The following PAG1 variants were observed in gnomAD, a reference collection of about 807,000 sequenced individuals.
The protein encoded by PAG1 is phosphoprotein associated with glycosphingolipid-enriched microdomains 1.
A neutral mutation model predicts 31.7 loss-of-function variants in PAG1; 23 were observed. The ratio of observed to expected loss-of-function variants is 0.73; its 90% CI spans 0.52 to 1.03. The LOEUF (loss-of-function observed/expected upper bound fraction) is 1.03, where lower values mean the gene tolerates loss of function less well. Among genes scored for constraint, PAG1 ranks in the 50% least tolerant of loss-of-function variants. The pLI, the probability that PAG1 is intolerant of heterozygous loss-of-function variation, is 0.00. For missense variants in PAG1, 473 were observed against 540.7 expected (o/e 0.87, Z 1.24); for synonymous variants, 214 against 210.3 (o/e 1.02, Z -0.15).
chr8:81,054,272 G>A (rs182351372), intron 2 of PAG1, among the ~76,000 whole-genome samples: 110 of 152,178 alleles, frequency 7.2e-4, no homozygotes, highest in Admixed American at 1.8e-3. Flanking sequence ...GTTCCAAAAC[G>A]TTGGCTCTGA....
intron 3 of PAG1, among the ~76,000 whole-genome samples, chr8:80,996,257 C>T (rs1807670784): frequency 6.6e-6 from 1 of 152,214 alleles, no homozygotes; most frequent in South Asian, 2.1e-4. Flanking sequence ...ACCTACTCTT[C>T]TTTAGGGGCC....
Position 80,976,748 on chromosome 8 carries a change from G to A in PAG1, c.1095C>T (p.Phe365=), listed in dbSNP as rs776833259. 37 of 1,614,068 alleles carry A rather than the reference G, an allele frequency of 2.3e-5. No homozygotes were observed. Among genetic ancestry groups the A allele is most frequent in the Admixed American group, 1.0e-4 (6 of 60,020 alleles). The change falls in exon 9 of 9, where the codon TTC becomes TTT. Residue 365 remains phenylalanine (F), a synonymous_variant. Transcript: ENST00000220597. ...GAAGTGTGCTGTTTGGAGTTTTTTCGAAGTCTTTAACAGTAGCATAGAGAT... is the reference window on the plus strand; with the variant it reads ...GAAGTGTGCTGTTTGGAGTTTTTTCAAAGTCTTTAACAGTAGCATAGAGAT... ...CNDLYATVKD[F]EKTPNSTLPP... is the part of the protein sequence containing the mutation.
At position 80,974,451 on chromosome 8, in the gene PAG1, C is replaced by A. The variant is rs7017984; in HGVS notation, c.*2093G>T. On this transcript the variant is annotated 3_prime_UTR_variant, in exon 9 of 9. Transcript: ENST00000220597. ...TGCAAGGTACGAACTTCTCTCTAAT[C>A]CAAGGGTATTCTGCTGTGATCTTCT... 20,609 of 152,186 alleles carry A rather than the reference C, an allele frequency of 0.14. 1,690 individuals carry two copies. Among genetic ancestry groups the A allele is most frequent in the South Asian group, 0.23 (1,108 of 4,822 alleles). The allele number at this position is 152,186 out of a possible 1,614,324, so 9.4% of individuals were successfully genotyped here.
At position 80,990,910 on chromosome 8, in the gene PAG1, C is replaced by G. The variant is rs1354096108; in HGVS notation, c.177+569G>C. On this transcript the variant is annotated intron_variant, in intron 5 of 8. Coordinates refer to ENST00000220597, the MANE Select transcript of PAG1 (RefSeq NM_018440.4). This position sits in a 1 kb window ranked among gnomAD's most constrained non-coding sequence, Gnocchi z 5.1. ...CGAAGCTAGTTAATATGAGGTCGTGCTACAGTAGGGTGGGCACTAGTCCAA... is the reference window on the plus strand; with the variant it reads ...CGAAGCTAGTTAATATGAGGTCGTGGTACAGTAGGGTGGGCACTAGTCCAA... Among the ~76,000 whole-genome samples, 1 of 152,098 alleles carries G rather than the reference C, an allele frequency of 6.6e-6. No individual in the cohort carries two copies. Among genetic ancestry groups the G allele is most frequent in the Non-Finnish European group, 1.5e-5 (1 of 67,972 alleles).
intron 7 of PAG1, among the ~76,000 whole-genome samples, chr8:80,981,184 A>C (rs1020797079): frequency 6.6e-6 from 1 of 151,822 alleles, no homozygotes; most frequent in African/African-American, 2.4e-5. Context: ...TCTAAACCAC[A>C]GCCTCTCCAC....
At chr8:81,022,117 G>A (rs909419640) in intron 3 of PAG1, among the ~76,000 whole-genome samples, 2 of 152,170 alleles carry the variant, frequency 1.3e-5, no homozygotes, top group Non-Finnish European at 2.9e-5. Flanking sequence ...TATGCCTGAT[G>A]CTGTACTATA....
intron 1 of PAG1, among the ~76,000 whole-genome samples, chr8:81,097,895 T>C (rs1252407898): frequency 6.6e-6 from 1 of 152,180 alleles, no homozygotes; most frequent in Non-Finnish European, 1.5e-5. Context: ...ACAACATTCT[T>C]GAATGTTCCT....
chr8:80,986,108 A>G (rs182411666), intron 6 of PAG1, among the ~76,000 whole-genome samples: 2 of 152,302 alleles, frequency 1.3e-5, no homozygotes, highest in East Asian at 3.9e-4. Context: ...ATGAAACAGA[A>G]AGCCCTGCCC....
At chr8:81,053,263 C>T (rs6998051) in intron 2 of PAG1, among the ~76,000 whole-genome samples, 1,697 of 152,318 alleles carry the variant, frequency 0.011, 23 homozygotes, top group African/African-American at 0.039. Context: ...AATTTTAAAA[C>T]ATTAATGACG....
In PAG1 at chr8:81,044,862, T is replaced by C. The variant is rs371573349; in HGVS notation, c.-174-14773A>G. On this transcript the variant is annotated intron_variant, in intron 2 of 8. Transcript: ENST00000220597. ...TTCCCTAAGCATGACTAGTGTTCCA[T>C]TGCTTATCTGCAGCTCCACCTTCTC... Among the ~76,000 whole-genome samples the C allele has an allele frequency of 2.8e-4, 43 of 152,276 alleles. No homozygotes were observed. In the East Asian group the frequency reaches 4.8e-3, roughly 17 times the overall value.
intron 2 of PAG1, among the ~76,000 whole-genome samples, chr8:81,056,806 T>C (rs1808830530): frequency 1.3e-5 from 2 of 152,052 alleles, no homozygotes; most frequent in Non-Finnish European, 2.9e-5. Flanking sequence ...GGAAAAAAAT[T>C]TGCAACCTAC....
chr8:81,033,674 T>C (rs909253069), intron 2 of PAG1, among the ~76,000 whole-genome samples: 2 of 152,236 alleles, frequency 1.3e-5, no homozygotes, highest in Admixed American at 6.5e-5. Flanking sequence ...ATACTAATGA[T>C]GACATTCATA....
chr8:81,091,772 C>G (rs1465388155), intron 1 of PAG1, among the ~76,000 whole-genome samples: 1 of 151,342 alleles, frequency 6.6e-6, no homozygotes, highest in Non-Finnish European at 1.5e-5. Flanking sequence ...GTCCAAGGAC[C>G]AGTTTTATCA....
chr8:81,015,050 T>A lies in PAG1; in HGVS notation c.-81+14946A>T, dbSNP rs73277999. Among the ~76,000 whole-genome samples, 1,417 of 152,320 alleles carry A rather than the reference T, an allele frequency of 9.3e-3. 19 individuals are homozygous for A. Among genetic ancestry groups the A allele is most frequent in the African/African-American group, 0.032 (1,337 of 41,566 alleles). ...TGCCATATTTCTGCACTACACATTC[T>A]TGAATACCCTTTGATGTTCTATTTA... On this transcript the variant is annotated intron_variant, in intron 3 of 8. Transcript: ENST00000220597.
At chr8:81,032,587 G>A (rs1808394162) in intron 2 of PAG1, among the ~76,000 whole-genome samples, 1 of 152,138 alleles carries the variant, frequency 6.6e-6, no homozygotes, top group Non-Finnish European at 1.5e-5. Flanking sequence ...AGTGTTAAGA[G>A]GATGTAGAGA....
chr8:81,045,271 C>T (rs1198717777), intron 2 of PAG1, among the ~76,000 whole-genome samples: 1 of 152,168 alleles, frequency 6.6e-6, no homozygotes, highest in African/African-American at 2.4e-5. Flanking sequence ...GAGTACTCTC[C>T]TAAGCACTGA....
chr8:81,020,858 A>G (rs1179585981), intron 3 of PAG1, among the ~76,000 whole-genome samples: 2 of 152,256 alleles, frequency 1.3e-5, no homozygotes, highest in Non-Finnish European at 2.9e-5. Context: ...TCTATGCTGT[A>G]ATCACAAATG....
intron 1 of PAG1, among the ~76,000 whole-genome samples, chr8:81,072,422 G>T (rs894876540): frequency 6.6e-6 from 1 of 152,190 alleles, no homozygotes; most frequent in African/African-American, 2.4e-5. Flanking sequence ...GTTTTGAGGG[G>T]CTAGCATTTC....
intron 6 of PAG1, among the ~76,000 whole-genome samples, chr8:80,987,095 G>A (rs946957417): frequency 5.9e-5 from 9 of 152,198 alleles, no homozygotes; most frequent in East Asian, 1.9e-4. Context: ...CAGTAATCTC[G>A]TGGGGTAAAT....
Sources: allele counts gnomAD v4.1 joint callset (sites outside exome capture counted in the v4.1 genomes callset), GRCh38; gene constraint gnomAD v4.1.1; non-coding constraint Gnocchi (gnomAD v3.1); transcripts MANE v1.5; gene names NCBI Gene and HGNC (gene_info 2026-07-23, HGNC 2026-07-21).